The following LYPD5 variants were observed in gnomAD, a reference collection of about 807,000 sequenced individuals.
LYPD5 encodes the protein LY6/PLAUR domain containing 5.
Under a neutral mutation model 19.1 loss-of-function variants are expected in LYPD5, and 21 were observed. The observed-to-expected ratio is 1.10, with a 90% CI of 0.78 to 1.58. The LOEUF (loss-of-function observed/expected upper bound fraction) is 1.58. Ranked by LOEUF, LYPD5 falls within the 40% of genes most tolerant of loss-of-function variation. The pLI, the probability that LYPD5 is intolerant of heterozygous loss-of-function variation, is 0.00. For missense variants in LYPD5, 287 were observed against 329.8 expected (o/e 0.87, Z 1.00); for synonymous variants, 128 against 142.7 (o/e 0.90, Z 0.74).
upstream of LYPD5, among the ~76,000 whole-genome samples, chr19:43,806,277 T>C (rs958504478): frequency 4.1e-4 from 63 of 152,180 alleles, no homozygotes; most frequent in African/African-American, 1.4e-3. Context: ...ATGCAAGGGA[T>C]CTAGGTTATG....
chr19:43,803,740 T>G (rs182749833), upstream of LYPD5, among the ~76,000 whole-genome samples: 13 of 152,320 alleles, frequency 8.5e-5, no homozygotes, highest in African/African-American at 3.1e-4. Flanking sequence ...TTATCCAAAG[T>G]TGACTGAATG....
At chr19:43,815,803 T>A (rs1970368038) in intron 1 of LYPD5, 1 of 374,634 alleles carries the variant, frequency 2.7e-6, no homozygotes, top group African/African-American at 2.1e-5. Flanking sequence ...AGTGGCGCGA[T>A]CTCAGCTCAC....
chr19:43,799,354 G>C (rs1441665693), intron 2 of LYPD5, among the ~76,000 whole-genome samples: 2 of 151,938 alleles, frequency 1.3e-5, no homozygotes, highest in African/African-American at 4.8e-5. Context: ...AGCGATTCTC[G>C]TGCCTCAGCC....
rs72626206 is a variant in LYPD5, at chr19:43,809,241, C to T, written c.-65-9407G>A. 0.016 allele frequency among the ~76,000 whole-genome samples: 2,409 copies of T among 152,004 alleles called. 149 individuals are homozygous for T. In the East Asian group the frequency reaches 0.2, roughly 13 times the overall value. On this transcript the variant is annotated intron_variant, in intron 1 of 4. Coordinates refer to the LYPD5 transcript ENST00000414615. ...TTTTAGTAGAGACTTGGTTTCACCA[C>T]GTTGGCAGGCTGGTCTCGAACTCCT... is the stretch of plus-strand genomic sequence containing the variant.
At chr19:43,799,023 C>T (rs1309559398) in intron 2 of LYPD5, 35 bp from the exon 3 acceptor site, 32 of 1,526,174 alleles carry the variant, frequency 2.1e-5, no homozygotes, top group Non-Finnish European at 2.7e-5. Context: ...CTCTGCTTCC[C>T]GAAACCCTTC....
chr19:43,797,777 G>T lies in LYPD5; in HGVS notation c.570C>A (p.Thr190=), dbSNP rs111393663. The T allele has an allele frequency of 3.1e-6, 5 of 1,613,958 alleles. No individual in the cohort carries two copies. In the South Asian group the frequency reaches 5.5e-5, roughly 18 times the overall value. The part of the protein sequence containing the change: ...YIRTCHRPSC[T]TEGTTSPWTA... ...TCCAGGGGCTGGTGGTGCCCTCGGT[G>T]GTGCAGGAGGGCCGGTGGCAGGTTC... is the stretch of plus-strand genomic sequence containing the variant. Residue 190 remains threonine (T), a synonymous_variant, in exon 5 of 5, where the codon ACC becomes ACA. Transcript: ENST00000377950.
intron 1 of LYPD5, among the ~76,000 whole-genome samples, chr19:43,813,362 G>A (rs1009163654): frequency 6.6e-6 from 1 of 152,074 alleles, no homozygotes; most frequent in Non-Finnish European, 1.5e-5. Flanking sequence ...TTCCCCCTTC[G>A]TCTTCCACCA....
chr19:43,815,556 T>C (rs12978250), intron 1 of LYPD5, among the ~76,000 whole-genome samples: 2 of 151,368 alleles, frequency 1.3e-5, no homozygotes, highest in African/African-American at 4.8e-5. Flanking sequence ...GCCTGGGCAA[T>C]AGAGCAAGAC....
intron 1 of LYPD5, among the ~76,000 whole-genome samples, chr19:43,809,837 C>T (rs979985786): frequency 4.6e-5 from 7 of 152,210 alleles, no homozygotes; most frequent in African/African-American, 1.7e-4. Context: ...TTCTGCATAT[C>T]AGGTGGAAGA....
rs766199998 is a variant in LYPD5, at chr19:43,799,686, C to G, written c.193+20G>C. 6.2e-7 allele frequency: 1 copy of G among 1,607,622 alleles called. No homozygotes were observed. Among genetic ancestry groups the G allele is most frequent in the South Asian group, 1.1e-5 (1 of 89,418 alleles). ...TCCTCCCTAATCTCTCATCCCTGTC[C>G]CCCGGCTCCCGCTCCTTACCGGTGT... On this transcript the variant is annotated intron_variant, in intron 2 of 4. Transcript: ENST00000377950.
rs1401973908 is a variant in LYPD5, at chr19:43,798,950, A to G, written c.232T>C (p.Trp78Arg). Residue 78 changes from tryptophan to arginine, a missense_variant, in exon 3 of 5, where the codon TGG becomes CGG. Coordinates refer to ENST00000377950, the MANE Select transcript of LYPD5 (RefSeq NM_001031749.3). ...GTCTGGCCCGCAGGAGGCCCGGTCCAGCAGCCCTTCCGCACCAGGGTCACC... is the reference window on the plus strand; with the variant it reads ...GTCTGGCCCGCAGGAGGCCCGGTCCGGCAGCCCTTCCGCACCAGGGTCACC... ...APVTLVRKGC[W>R]TGPPAGQTQS... The G allele has an allele frequency of 2.5e-6, 4 of 1,587,592 alleles. No homozygotes were observed. The highest frequency in any genetic ancestry group is 2.7e-5 in the African/African-American group (2 of 74,668).
At chr19:43,814,545 C>T (rs1970354714) in intron 1 of LYPD5, among the ~76,000 whole-genome samples, 1 of 151,656 alleles carries the variant, frequency 6.6e-6, no homozygotes, top group African/African-American at 2.4e-5. Flanking sequence ...CAGCTCTGTA[C>T]ACCAGGATTT....
At position 43,799,001 on chromosome 19, in the gene LYPD5, T is replaced by TC; in HGVS notation, c.194-14dup. The TC allele has an allele frequency of 6.4e-7, 1 of 1,552,616 alleles. No individual in the cohort carries two copies. The highest frequency in any genetic ancestry group is 8.7e-7 in the Non-Finnish European group (1 of 1,148,250). ...GGCGCGCGATACCCTGGGGGCGGGA[T>TC]CGGGGCTCGTGCTCTGCTTCCCGAA... is the stretch of plus-strand genomic sequence containing the variant. On this transcript the variant is annotated splice_polypyrimidine_tract_variant and intron_variant, in intron 2 of 4. Transcript: ENST00000377950.
chr19:43,800,506 G>A (rs538669132), intron 1 of LYPD5, among the ~76,000 whole-genome samples: 3 of 152,190 alleles, frequency 2.0e-5, no homozygotes, highest in Non-Finnish European at 4.4e-5. Context: ...GAGGATGCTT[G>A]TGCCTGTATG....
At chr19:43,807,276 C>CTTTTTTTTTTTTTTT, upstream of LYPD5, among the ~76,000 whole-genome samples, 1 of 144,094 alleles carries the variant, frequency 6.9e-6, no homozygotes, top group Non-Finnish European at 1.5e-5. Context: ...CTTTTCTTTT[C>CTTTTTTTTTTTTTTT]TTTTCTTTTT....
chr19:43,805,710 G>A (rs1052569352), upstream of LYPD5, among the ~76,000 whole-genome samples: 12 of 152,246 alleles, frequency 7.9e-5, no homozygotes, highest in African/African-American at 2.9e-4. Flanking sequence ...GTTTCACCAT[G>A]TTGGCCAGGC....
At chr19:43,802,904 C>T (rs1335514652), upstream of LYPD5, among the ~76,000 whole-genome samples, 2 of 152,196 alleles carry the variant, frequency 1.3e-5, no homozygotes, top group Non-Finnish European at 2.9e-5. Flanking sequence ...GCTGGGCTAG[C>T]GTCTGTCTCC....
chr19:43,819,106 T>G (rs921714848), intron 1 of LYPD5, among the ~76,000 whole-genome samples: 3 of 152,168 alleles, frequency 2.0e-5, no homozygotes. Context: ...AATGGATCAC[T>G]TCAAATAAGC....
rs1487434089 is a variant in LYPD5, at chr19:43,798,858, G to A, written c.324C>T (p.Cys108=). 1 of 1,610,530 alleles carries A rather than the reference G, an allele frequency of 6.2e-7. No individual in the cohort carries two copies. The highest frequency in any genetic ancestry group is 1.3e-5 in the African/African-American group (1 of 74,900). The change falls in exon 3 of 5, where the codon TGC becomes TGT. Residue 108 remains cysteine, a synonymous_variant. Transcript: ENST00000377950. ...CGTCATGAGTCATGAGGTGGGCGTT[G>A]CATTTGTCAGTTGTGCAGCCGCGCA... ...SVVRGCTTDK[C]NAHLMTHDAL... is the part of the protein sequence containing the mutation.
Sources: gnomAD v4.1 joint callset for allele counts (sites outside exome capture counted in the v4.1 genomes callset) on GRCh38, gnomAD v4.1.1 for gene constraint, MANE v1.5 for transcripts, NCBI Gene and HGNC (gene_info 2026-07-23, HGNC 2026-07-21) for gene names.